CHCHD6: variants seen among roughly 807,000 people sequenced by gnomAD.
CHCHD6 encodes coiled-coil-helix-coiled-coil-helix domain containing 6.
CHCHD6 carries 28 observed loss-of-function variants against 32.3 expected under a neutral mutation model. The observed-to-expected ratio is 0.87, with a 90% CI of 0.64 to 1.19. The LOEUF (loss-of-function observed/expected upper bound fraction) is 1.19. Among genes scored for constraint, CHCHD6 ranks in the 50% most tolerant of loss-of-function variants. CHCHD6 has a pLI of 0.00. For synonymous variants in CHCHD6, 122 were observed against 117.5 expected (o/e 1.04, Z -0.25); for missense variants, 333 against 307.0 (o/e 1.08, Z -0.63).
intron 4 of CHCHD6, among the ~76,000 whole-genome samples, chr3:126,845,721 C>T (rs1941272632): frequency 6.6e-6 from 1 of 152,034 alleles, no homozygotes; most frequent in African/African-American, 2.4e-5. Context: ...TTTGCTCCGT[C>T]CAATATGCTA....
intron 6 of CHCHD6, among the ~76,000 whole-genome samples, chr3:126,943,666 G>A (rs1308062355): frequency 2.6e-5 from 4 of 152,138 alleles, no homozygotes; most frequent in Non-Finnish European, 5.9e-5. Flanking sequence ...GTCCGTGATG[G>A]GGTAGCGAGG....
rs186541673 is a variant in CHCHD6, at chr3:126,714,251, G to A, written c.87+9852G>A. ...TGCAGTCTCATTACAGTTACACCATGGTATCCTTGCATGGTGCTTTATAAA... is the reference window on the plus strand; with the variant it reads ...TGCAGTCTCATTACAGTTACACCATAGTATCCTTGCATGGTGCTTTATAAA... On this transcript the variant is annotated intron_variant, in intron 1 of 7. Coordinates refer to ENST00000290913, the MANE Select transcript of CHCHD6 (RefSeq NM_032343.3). 4.3e-3 allele frequency among the ~76,000 whole-genome samples: 656 copies of A among 152,140 alleles called. 1 individual carries two copies. Among genetic ancestry groups the A allele is most frequent in the African/African-American group, 0.015 (616 of 41,496 alleles).
At chr3:126,917,858 G>C (rs2078193752) in intron 6 of CHCHD6, among the ~76,000 whole-genome samples, 1 of 152,254 alleles carries the variant, frequency 6.6e-6, no homozygotes, top group Admixed American at 6.5e-5. Flanking sequence ...GAATCAGAAA[G>C]TGGGCCCTCA....
At chr3:126,940,547 C>T (rs2078545062) in intron 6 of CHCHD6, among the ~76,000 whole-genome samples, 2 of 152,094 alleles carry the variant, frequency 1.3e-5, no homozygotes, top group African/African-American at 4.8e-5. Flanking sequence ...TGTTTAAATT[C>T]TTCTAGAGGG....
chr3:126,749,017 C>T (rs1002477564), intron 4 of CHCHD6, among the ~76,000 whole-genome samples: 4 of 152,056 alleles, frequency 2.6e-5, no homozygotes, highest in African/African-American at 7.2e-5. Flanking sequence ...ACATGTGAGC[C>T]GCGACCTAGA....
intron 4 of CHCHD6, among the ~76,000 whole-genome samples, chr3:126,773,453 C>T (rs143526679): frequency 7.9e-5 from 12 of 152,136 alleles, no homozygotes; most frequent in African/African-American, 2.4e-4. Context: ...GCCATGACAG[C>T]GATAGGGCAA....
intron 5 of CHCHD6, among the ~76,000 whole-genome samples, chr3:126,858,020 T>C (rs539121653): frequency 6.6e-6 from 1 of 152,268 alleles, no homozygotes; most frequent in East Asian, 1.9e-4. Flanking sequence ...GTAGTGTCAT[T>C]CACGATAGCC....
chr3:126,877,351 C>T (rs567946021), intron 5 of CHCHD6, among the ~76,000 whole-genome samples: 2 of 152,160 alleles, frequency 1.3e-5, no homozygotes, highest in South Asian at 4.1e-4. Context: ...GTCAGGAGAT[C>T]GAGACTGTCC....
chr3:126,763,601 G>A (rs1037441185), intron 4 of CHCHD6, among the ~76,000 whole-genome samples: 2 of 152,054 alleles, frequency 1.3e-5, no homozygotes, highest in African/African-American at 2.4e-5. Context: ...TTGGCCTCCC[G>A]AAGTGCTGGG....
At chr3:126,777,335 T>A (rs1229193972) in intron 4 of CHCHD6, among the ~76,000 whole-genome samples, 2 of 152,156 alleles carry the variant, frequency 1.3e-5, no homozygotes, top group Non-Finnish European at 2.9e-5. Context: ...TACACTCAGT[T>A]TTTTTCTTCT....
At chr3:126,753,221 C>G (rs1256487774) in intron 4 of CHCHD6, among the ~76,000 whole-genome samples, 1 of 152,170 alleles carries the variant, frequency 6.6e-6, no homozygotes, top group Non-Finnish European at 1.5e-5. Context: ...ATGGAGCAAA[C>G]AGCTAACATA....
chr3:126,834,916 G>A (rs1050737971), intron 4 of CHCHD6, among the ~76,000 whole-genome samples: 7 of 152,154 alleles, frequency 4.6e-5, no homozygotes, highest in Admixed American at 4.6e-4. Flanking sequence ...AGAACAGTAG[G>A]AGCCAGAAGC....
intron 6 of CHCHD6, chr3:126,950,027 A>G (rs13097057): frequency 6.5e-6 from 1 of 153,142 alleles, no homozygotes; most frequent in Admixed American, 6.5e-5. Context: ...AGGGCTGCAC[A>G]GTGGCTTGTT....
At chr3:126,728,024 G>A (rs934951027) in intron 2 of CHCHD6, among the ~76,000 whole-genome samples, 1 of 150,894 alleles carries the variant, frequency 6.6e-6, no homozygotes, top group African/African-American at 2.4e-5. Flanking sequence ...CGGAAGGACC[G>A]ACTGTTCAGG....
intron 6 of CHCHD6, among the ~76,000 whole-genome samples, chr3:126,935,720 C>T (rs1559931678): frequency 1.3e-5 from 2 of 152,248 alleles, no homozygotes; most frequent in South Asian, 2.1e-4. Context: ...ACAATTTCCA[C>T]GCAGTAAAAG....
chr3:126,716,806 C>T (rs1268658221), intron 1 of CHCHD6, among the ~76,000 whole-genome samples: 4 of 146,502 alleles, frequency 2.7e-5, no homozygotes, highest in Non-Finnish European at 4.5e-5. Flanking sequence ...ACGGTGCTGG[C>T]AGGGGTGGGG....
intron 1 of CHCHD6, among the ~76,000 whole-genome samples, chr3:126,716,639 G>T (rs897890703): frequency 6.6e-6 from 1 of 152,042 alleles, no homozygotes; most frequent in African/African-American, 2.4e-5. Context: ...GAGTGTCTCC[G>T]GTGTGCTAAG....
intron 4 of CHCHD6, among the ~76,000 whole-genome samples, chr3:126,834,994 A>G (rs1478569095): frequency 6.6e-6 from 1 of 152,194 alleles, no homozygotes; most frequent in Non-Finnish European, 1.5e-5. Flanking sequence ...CAGTATTTGT[A>G]GCTGGTTGAG....
At chr3:126,888,462 C>T (rs61493585) in intron 5 of CHCHD6, among the ~76,000 whole-genome samples, 4,712 of 152,278 alleles carry the variant, frequency 0.031, 162 homozygotes, top group East Asian at 0.15. Flanking sequence ...TTAGCCACTC[C>T]TCATGCGACA....
Sources: allele counts gnomAD v4.1 joint callset (sites outside exome capture counted in the v4.1 genomes callset), GRCh38; gene constraint gnomAD v4.1.1; transcripts MANE v1.5; gene names NCBI Gene and HGNC (gene_info 2026-07-23, HGNC 2026-07-21).